The following C1orf94 variants were observed in gnomAD, a reference collection of about 807,000 sequenced individuals.
C1orf94 encodes the protein uncharacterized protein C1orf94.
C1orf94 carries 45 observed loss-of-function variants against 53.6 expected under a neutral mutation model. The observed-to-expected ratio is 0.84, with a 90% confidence interval of 0.66 to 1.08. C1orf94 has a LOEUF of 1.08. C1orf94 is among the 50% of genes least tolerant of loss of function. The pLI is 0.00. For missense variants in C1orf94, 762 were observed against 738.9 expected (o/e 1.03, Z -0.36); for synonymous variants, 304 against 296.1 (o/e 1.03, Z -0.27).
chr1:34,191,498 C>T (rs1185562953), intron 1 of C1orf94, among the ~76,000 whole-genome samples: 2 of 152,062 alleles, frequency 1.3e-5, no homozygotes, highest in African/African-American at 2.4e-5. Context: ...ATATGCTGTG[C>T]TGCTCTACCC....
At chr1:34,201,525 C>T (rs906357792) in intron 3 of C1orf94, among the ~76,000 whole-genome samples, 2 of 152,182 alleles carry the variant, frequency 1.3e-5, no homozygotes, top group African/African-American at 2.4e-5. Context: ...AACAACTCAA[C>T]CTAACTTCAT....
chr1:34,195,509 G>C (rs762854019), intron 1 of C1orf94, among the ~76,000 whole-genome samples: 8 of 152,126 alleles, frequency 5.3e-5, no homozygotes, highest in Non-Finnish European at 1.0e-4. Context: ...TGTTCAAGAA[G>C]TACGGCTGTC....
At chr1:34,185,847 T>C (rs1220279796) in intron 1 of C1orf94, among the ~76,000 whole-genome samples, 1 of 152,268 alleles carries the variant, frequency 6.6e-6, no homozygotes, top group Non-Finnish European at 1.5e-5. Flanking sequence ...GTCTCTGTAG[T>C]GGCCCTGCCT....
At chr1:34,169,861 C>T (rs769761078) in intron 1 of C1orf94, among the ~76,000 whole-genome samples, 13 of 152,192 alleles carry the variant, frequency 8.5e-5, no homozygotes, top group Non-Finnish European at 1.9e-4. Flanking sequence ...CAAGGAGTGG[C>T]GACAGAGGGG....
intron 4 of C1orf94, among the ~76,000 whole-genome samples, chr1:34,202,601 G>T (rs2148619634): frequency 6.6e-6 from 1 of 152,278 alleles, no homozygotes; most frequent in East Asian, 1.9e-4. Flanking sequence ...GCTAGTTGTG[G>T]CTGGTTAAGT....
chr1:34,202,919 G>A (rs967963823), intron 4 of C1orf94, among the ~76,000 whole-genome samples: 9 of 152,108 alleles, frequency 5.9e-5, no homozygotes, highest in African/African-American at 1.9e-4. Context: ...AAAATAATGC[G>A]AGTAAAAGAT....
intron 1 of C1orf94, among the ~76,000 whole-genome samples, chr1:34,167,375 G>A (rs148174674): frequency 6.6e-6 from 1 of 152,218 alleles, no homozygotes; most frequent in African/African-American, 2.4e-5. Context: ...GGGGCTGCAG[G>A]CCAATGGGCT....
upstream of C1orf94, among the ~76,000 whole-genome samples, chr1:34,174,923 T>C (rs1642200920): frequency 6.6e-6 from 1 of 152,338 alleles, no homozygotes; most frequent in South Asian, 2.1e-4. Context: ...TTCTCTGTGC[T>C]GTCCAATATG....
intron 1 of C1orf94, among the ~76,000 whole-genome samples, chr1:34,183,513 C>T (rs1234091977): frequency 6.6e-6 from 1 of 152,184 alleles, no homozygotes; most frequent in Non-Finnish European, 1.5e-5. Flanking sequence ...CAAAGAGCTC[C>T]CAGTCTAGTG....
At chr1:34,188,356 T>G (rs150383110) in intron 1 of C1orf94, among the ~76,000 whole-genome samples, 1 of 152,264 alleles carries the variant, frequency 6.6e-6, no homozygotes, top group East Asian at 1.9e-4. Context: ...CAGGGACAAT[T>G]AAAAAAATTT....
chr1:34,200,475 CAGAT>C (rs1367728239), intron 2 of C1orf94, among the ~76,000 whole-genome samples: 8 of 151,960 alleles, frequency 5.3e-5, no homozygotes, highest in African/African-American at 9.7e-5. Flanking sequence ...AATGGATGGA[CAGAT>C]GGATGGATGG....
chr1:34,190,965 A>G (rs951040738), intron 1 of C1orf94, among the ~76,000 whole-genome samples: 1 of 152,174 alleles, frequency 6.6e-6, no homozygotes, highest in Non-Finnish European at 1.5e-5. Context: ...GGCTTGGCTG[A>G]ACTTGGCTCA....
chr1:34,169,639 GCAA>G (rs1642113164), intron 1 of C1orf94, among the ~76,000 whole-genome samples: 4 of 142,982 alleles, frequency 2.8e-5, no homozygotes, highest in African/African-American at 1.0e-4. Context: ...GAGAGAGTGA[GCAA>G]ATGGGAGATT....
rs140129052 is a variant in C1orf94 at position 34,167,854 on chromosome 1, G to C, written c.-251+683G>C. Among the ~76,000 whole-genome samples, 769 of 152,188 alleles carry C rather than the reference G, an allele frequency of 5.1e-3. 7 individuals carry two copies. The highest frequency in any genetic ancestry group is 0.017 in the African/African-American group (705 of 41,522). On this transcript the variant is annotated intron_variant, in intron 1 of 6. Transcript: ENST00000373374. ...AATTTAAGAAGGAAAGTAGGATTTG[G>C]TCTGGAACCTGAGACATGGATAAAG...
chr1:34,199,829 T>C (rs1367528109), intron 2 of C1orf94, among the ~76,000 whole-genome samples: 1 of 152,236 alleles, frequency 6.6e-6, no homozygotes, highest in East Asian at 1.9e-4. Context: ...GTCTCCTTGA[T>C]GCTTCCAGGC....
intron 1 of C1orf94, among the ~76,000 whole-genome samples, chr1:34,192,435 A>G (rs1642509715): frequency 6.6e-6 from 1 of 152,126 alleles, no homozygotes; most frequent in South Asian, 2.1e-4. Flanking sequence ...AGAAAATGGA[A>G]CCAAAGCCAG....
At chr1:34,194,183 T>C (rs1261102578) in intron 1 of C1orf94, among the ~76,000 whole-genome samples, 1 of 152,218 alleles carries the variant, frequency 6.6e-6, no homozygotes, top group Non-Finnish European at 1.5e-5. Context: ...ATCTAAACAT[T>C]GATAATTACA....
At chr1:34,184,229 G>A (rs1465265037) in intron 1 of C1orf94, among the ~76,000 whole-genome samples, 1 of 152,186 alleles carries the variant, frequency 6.6e-6, no homozygotes, top group Non-Finnish European at 1.5e-5. Flanking sequence ...CCATAGTTAT[G>A]TCCCCCAGCT....
intron 6 of C1orf94, among the ~76,000 whole-genome samples, chr1:34,217,293 G>C (rs532551708): frequency 6.6e-6 from 1 of 152,224 alleles, no homozygotes; most frequent in South Asian, 2.1e-4. Flanking sequence ...CCGTTGATCT[G>C]ATCAGAAGTT....
Sources: allele counts gnomAD v4.1 joint callset (sites outside exome capture counted in the v4.1 genomes callset), GRCh38; gene constraint gnomAD v4.1.1; transcripts MANE v1.5; gene names NCBI Gene and HGNC (gene_info 2026-07-23, HGNC 2026-07-21).